TAMM41: variants seen among roughly 807,000 people sequenced by gnomAD.
The protein encoded by TAMM41 is phosphatidate cytidylyltransferase, mitochondrial.
In TAMM41, 36 loss-of-function variants were observed where a neutral mutation model predicts 44.1. The observed-to-expected ratio is 0.82, with a 90% CI of 0.63 to 1.08. The LOEUF (loss-of-function observed/expected upper bound fraction) is 1.08, where lower values mean the gene tolerates loss of function less well. Ranked by LOEUF, TAMM41 falls within the 50% of genes least tolerant of loss-of-function variation. TAMM41 has a pLI of 0.00. For missense variants in TAMM41, 417 were observed against 404.3 expected, an observed-to-expected ratio of 1.03 and a Z score of -0.27; for synonymous variants, 164 against 153.1, an observed-to-expected ratio of 1.07 and a Z score of -0.53.
chr3:11,724,343 T>A, the TAMM41 span, among the ~76,000 whole-genome samples: 9 of 152,182 alleles, frequency 5.9e-5, no homozygotes, highest in African/African-American at 2.2e-4. Flanking sequence ...CCTCAGGTGA[T>A]CAACCTGCCT....
At chr3:11,732,989 G>GTTTTGTTT in the TAMM41 span, among the ~76,000 whole-genome samples, 1 of 128,464 alleles carries the variant, frequency 7.8e-6, no homozygotes, top group African/African-American at 3.0e-5. Flanking sequence ...TATGATTTGA[G>GTTTTGTTT]TTTTTTTTTT....
intron 3 of TAMM41, 23 bp downstream of exon 3, chr3:11,839,199 T>C: frequency 2.0e-6 from 3 of 1,507,980 alleles, no homozygotes; most frequent in Non-Finnish European, 2.8e-6. Flanking sequence ...CATCCTTAAC[T>C]GTGCAGCCTA....
intron 4 of TAMM41, among the ~76,000 whole-genome samples, chr3:11,819,065 G>C (rs1644345482): frequency 6.6e-6 from 1 of 152,070 alleles, no homozygotes; most frequent in African/African-American, 2.4e-5. Context: ...AAGAGAGTTA[G>C]ATAGTTAAAA....
chr3:11,843,836 T>C, intron 2 of TAMM41, 193 bp downstream of exon 2: 1 of 594,724 alleles, frequency 1.7e-6, no homozygotes, highest in South Asian at 2.7e-5. Context: ...GTTCAAGACG[T>C]CTGGCAGGAG....
intron 7 of TAMM41, among the ~76,000 whole-genome samples, chr3:11,793,693 CTATGTTAT>C (rs1336929865): frequency 1.3e-5 from 2 of 152,184 alleles, no homozygotes; most frequent in African/African-American, 4.8e-5. Flanking sequence ...ATGAATCTCC[CTATGTTAT>C]AAATGAACAG....
chr3:11,743,819 C>T, the TAMM41 span, among the ~76,000 whole-genome samples: 3 of 152,218 alleles, frequency 2.0e-5, no homozygotes, highest in East Asian at 1.9e-4. Context: ...AGGTGCTTCC[C>T]GTGGCACAGT....
the TAMM41 span, among the ~76,000 whole-genome samples, chr3:11,732,989 G>GTTT: frequency 0.014 from 1,854 of 128,102 alleles, 148 homozygotes; most frequent in African/African-American, 0.052. Flanking sequence ...TATGATTTGA[G>GTTT]TTTTTTTTTT....
intron 5 of TAMM41, chr3:11,811,256 T>A (rs918439454): frequency 4.6e-5 from 7 of 152,202 alleles, no homozygotes; most frequent in Admixed American, 2.0e-4. Flanking sequence ...ACAGGCCCCA[T>A]CCTCTACTTA....
the TAMM41 span, among the ~76,000 whole-genome samples, chr3:11,767,645 A>ATTTTT: frequency 3.5e-3 from 27 of 7,702 alleles, 1 homozygote; most frequent in Non-Finnish European, 9.2e-3. Context: ...TTTTTTTTTG[A>ATTTTT]GACAGAGTCT....
chr3:11,798,432 G>A (rs1427538139), intron 7 of TAMM41, among the ~76,000 whole-genome samples: 1 of 152,116 alleles, frequency 6.6e-6, no homozygotes, highest in Non-Finnish European at 1.5e-5. Flanking sequence ...TCACTTACAA[G>A]TAGGAGTTAA....
the TAMM41 span, among the ~76,000 whole-genome samples, chr3:11,733,483 G>A: frequency 6.6e-6 from 1 of 151,660 alleles, no homozygotes; most frequent in Non-Finnish European, 1.5e-5. Flanking sequence ...TAAGGAGTTT[G>A]GGGGTGTCCT....
chr3:11,758,816 G>A, the TAMM41 span, among the ~76,000 whole-genome samples: 2 of 152,108 alleles, frequency 1.3e-5, no homozygotes, highest in African/African-American at 4.8e-5. Context: ...TGGGATTACA[G>A]CCATGCACCA....
chr3:11,743,019 G>A, the TAMM41 span, among the ~76,000 whole-genome samples: 1 of 151,948 alleles, frequency 6.6e-6, no homozygotes. Flanking sequence ...GGGAGTGTAG[G>A]CCCCCCCAAC....
chr3:11,735,454 C>T, the TAMM41 span, among the ~76,000 whole-genome samples: 3 of 151,710 alleles, frequency 2.0e-5, no homozygotes, highest in Admixed American at 6.6e-5. Flanking sequence ...GGCAACATGA[C>T]GAAACCCCAT....
intron 3 of TAMM41, among the ~76,000 whole-genome samples, chr3:11,836,376 T>C (rs772497324): frequency 6.6e-6 from 1 of 152,242 alleles, no homozygotes; most frequent in Non-Finnish European, 1.5e-5. Context: ...CCTAAGTTTA[T>C]GTAACAGCTA....
the TAMM41 span, among the ~76,000 whole-genome samples, chr3:11,748,261 T>G: frequency 7.7e-6 from 1 of 129,802 alleles, no homozygotes; most frequent in Admixed American, 8.3e-5. Flanking sequence ...ATTAATATTT[T>G]CTGTACTCTT....
chr3:11,746,202 G>A, the TAMM41 span, among the ~76,000 whole-genome samples: 2 of 151,698 alleles, frequency 1.3e-5, no homozygotes, highest in Admixed American at 6.6e-5. Context: ...GCTGAAGGCT[G>A]AGGCAGGAGG....
At chr3:11,809,494 C>G (rs539502879) in intron 6 of TAMM41, 23 bp downstream of exon 6, 34 of 1,611,412 alleles carry the variant, frequency 2.1e-5, no homozygotes, top group Non-Finnish European at 2.6e-5. Flanking sequence ...GGCATTTCCT[C>G]AACATCAAAT....
chr3:11,783,575 C>T, the TAMM41 span, among the ~76,000 whole-genome samples: 4 of 152,170 alleles, frequency 2.6e-5, no homozygotes, highest in South Asian at 4.1e-4. Context: ...CAAATCAGGA[C>T]GATGTCATTT....
Sources: allele counts gnomAD v4.1 joint callset (sites outside exome capture counted in the v4.1 genomes callset), GRCh38; gene constraint gnomAD v4.1.1; transcripts MANE v1.5; gene names NCBI Gene and HGNC (gene_info 2026-07-23, HGNC 2026-07-21).